Variants in PPP1R9A observed in about 807,000 individuals in gnomAD.
The protein encoded by PPP1R9A is neurabin-1.
Under a neutral mutation model 141.9 loss-of-function variants are expected in PPP1R9A, and 59 were observed. The ratio of observed to expected loss-of-function variants is 0.42; its 90% CI spans 0.34 to 0.52. The LOEUF (loss-of-function observed/expected upper bound fraction) is 0.52, where lower values mean the gene tolerates loss of function less well. PPP1R9A is among the 20% of genes least tolerant of loss of function. The probability of loss-of-function intolerance (pLI) is 0.10; values close to 1 mark genes in which losing one functional copy is unlikely to be tolerated. For synonymous variants in PPP1R9A, 500 were observed against 569.7 expected (o/e 0.88, Z 1.74); for missense variants, 1,444 against 1,611.9 (o/e 0.90, Z 1.78).
intron 2 of PPP1R9A, among the ~76,000 whole-genome samples, chr7:94,926,057 G>T (rs1321154133): frequency 6.6e-6 from 1 of 151,988 alleles, no homozygotes; most frequent in Non-Finnish European, 1.5e-5. Context: ...GGAACTCCTG[G>T]GCTCAAGCGA....
intron 2 of PPP1R9A, among the ~76,000 whole-genome samples, chr7:95,078,925 G>A (rs1327191979): frequency 1.3e-5 from 2 of 151,996 alleles, no homozygotes. Context: ...CTCCCATTTT[G>A]TAGGTTGCCT....
intron 4 of PPP1R9A, among the ~76,000 whole-genome samples, chr7:95,148,100 A>G (rs1032097908): frequency 1.3e-5 from 2 of 152,202 alleles, no homozygotes; most frequent in Non-Finnish European, 2.9e-5. Flanking sequence ...ATATTAGAAA[A>G]GAAGAAAGAT....
intron 2 of PPP1R9A, among the ~76,000 whole-genome samples, chr7:94,994,862 A>T (rs2151461248): frequency 6.6e-6 from 1 of 151,906 alleles, no homozygotes; most frequent in South Asian, 2.1e-4. Flanking sequence ...ACCACACTCT[A>T]GCCTGGTGAC....
chr7:94,912,660 T>G (rs1791598718), intron 2 of PPP1R9A, among the ~76,000 whole-genome samples: 1 of 152,200 alleles, frequency 6.6e-6, no homozygotes, highest in South Asian at 2.1e-4. Flanking sequence ...AATCTGACAT[T>G]GTTCTGATTA....
intron 7 of PPP1R9A, among the ~76,000 whole-genome samples, chr7:95,221,869 A>C (rs182442411): frequency 6.6e-6 from 1 of 152,214 alleles, no homozygotes; most frequent in East Asian, 1.9e-4. Context: ...AATGTCAGTC[A>C]GCAGACCCAT....
intron 12 of PPP1R9A, among the ~76,000 whole-genome samples, chr7:95,252,467 A>ATTTTTTTTTTTTTTTTTTTTTTT (rs71127405): frequency 9.3e-6 from 1 of 107,028 alleles, no homozygotes; most frequent in Non-Finnish European, 1.9e-5. Context: ...TAAGGTTTAG[A>ATTTTTTTTTTTTTTTTTTTTTTT]TTTTTTTTTT....
chr7:95,239,631 TTTATAA>T lies in PPP1R9A; in HGVS notation c.2113-7831_2113-7826del, dbSNP rs1459408097. On this transcript the variant is annotated intron_variant, in intron 8 of 19. Coordinates refer to ENST00000433360, the MANE Select transcript of PPP1R9A (RefSeq NM_001166160.2). ...TACAAGAAAATTTAACCAATTTAAG[TTTATAA>T]TTATAATTATGCAAGATATAGGTGT... 6.6e-5 allele frequency among the ~76,000 whole-genome samples: 10 copies of T among 152,230 alleles called. No individual in the cohort carries two copies. The East Asian group carries it at 1.5e-3, about 24-fold the overall frequency.
intron 2 of PPP1R9A, among the ~76,000 whole-genome samples, chr7:94,962,949 T>G (rs1360565520): frequency 6.6e-6 from 1 of 152,130 alleles, no homozygotes; most frequent in Non-Finnish European, 1.5e-5. Context: ...CTGGATTTGC[T>G]TCCTGTTCAT....
At chr7:95,239,741 AGT>A (rs1286859718) in intron 8 of PPP1R9A, among the ~76,000 whole-genome samples, 1 of 151,820 alleles carries the variant, frequency 6.6e-6, no homozygotes, top group East Asian at 1.9e-4. Flanking sequence ...GTTTTTGAAA[AGT>A]GTTTAAAAAT....
chr7:95,150,302 C>CTT (rs1351573064), intron 4 of PPP1R9A, among the ~76,000 whole-genome samples: 1 of 151,996 alleles, frequency 6.6e-6, no homozygotes, highest in African/African-American at 2.4e-5. Flanking sequence ...ATGGCAATGA[C>CTT]TTTTTATTTT....
intron 2 of PPP1R9A, among the ~76,000 whole-genome samples, chr7:94,938,276 T>C (rs1270275981): frequency 6.6e-6 from 1 of 152,152 alleles, no homozygotes; most frequent in Non-Finnish European, 1.5e-5. Context: ...GACCTGAAAC[T>C]ATCACCTGCC....
chr7:95,126,260 G>T (rs566840600), intron 4 of PPP1R9A, among the ~76,000 whole-genome samples: 20 of 152,142 alleles, frequency 1.3e-4, no homozygotes, highest in South Asian at 4.1e-4. Context: ...GTGAGGTAGG[G>T]TTATTTTTTT....
At chr7:95,054,883 T>A (rs1584463865) in intron 2 of PPP1R9A, among the ~76,000 whole-genome samples, 1 of 151,070 alleles carries the variant, frequency 6.6e-6, no homozygotes, top group East Asian at 2.0e-4. Flanking sequence ...CTACTTCCAG[T>A]GCTTAGCACA....
At chr7:95,108,302 C>CGTTTCTT (rs1204011323) in intron 2 of PPP1R9A, among the ~76,000 whole-genome samples, 69 of 68,744 alleles carry the variant, frequency 1.0e-3, no homozygotes, top group Middle Eastern at 9.1e-3. Context: ...TTTTTCGTTT[C>CGTTTCTT]TTTTCTTTTT....
In PPP1R9A at chr7:95,269,470, T is replaced by A; in HGVS notation, c.3087T>A (p.His1029Gln). The A allele has an allele frequency of 6.3e-7, 1 of 1,585,352 alleles. No homozygotes were observed. Among genetic ancestry groups the A allele is most frequent in the Non-Finnish European group, 8.6e-7 (1 of 1,169,574 alleles). Residue 1029 changes from histidine to glutamine, a missense_variant, in exon 14 of 20, where the codon CAT (histidine) becomes CAA (glutamine). Physicochemically the swap from His to Gln is conservative, Grantham distance 24. This residue lies in a region of PPP1R9A where 459 missense variants were observed against 513.8 expected (regional missense o/e 0.89). Transcript: ENST00000433360. ...SDHDVEESPC[H>Q]HQTTNKKILR... ...ATGATGTGGAAGAATCTCCTTGCCA[T>A]CACCAAACCACCAACAAGAAAATAT...
At chr7:95,099,947 TTAA>T (rs1435611741) in intron 2 of PPP1R9A, among the ~76,000 whole-genome samples, 1 of 152,134 alleles carries the variant, frequency 6.6e-6, no homozygotes, top group Non-Finnish European at 1.5e-5. Context: ...ATGTGTGACC[TTAA>T]TAAAACTCTG....
chr7:95,011,169 C>T (rs1804366069), intron 2 of PPP1R9A, among the ~76,000 whole-genome samples: 1 of 152,118 alleles, frequency 6.6e-6, no homozygotes, highest in Non-Finnish European at 1.5e-5. Flanking sequence ...GAGAATCATG[C>T]AAACATTAAT....
At chr7:94,928,889 G>C (rs989338407) in intron 2 of PPP1R9A, among the ~76,000 whole-genome samples, 1 of 152,150 alleles carries the variant, frequency 6.6e-6, no homozygotes, top group Non-Finnish European at 1.5e-5. Flanking sequence ...TATTTTGTGA[G>C]TGTCTTCAAG....
At position 95,252,146 on chromosome 7, in the gene PPP1R9A, C is replaced by G. The variant is rs770717812; in HGVS notation, c.2665+16C>G. The G allele has an allele frequency of 6.5e-7, 1 of 1,539,740 alleles. No homozygotes were observed. Among genetic ancestry groups the G allele is most frequent in the Non-Finnish European group, 8.7e-7 (1 of 1,150,270 alleles). On this transcript the variant is annotated intron_variant, in intron 12 of 19. Transcript: ENST00000433360. ...CTAAGTCAAGGTTTGTTTAACCCAA[C>G]CACAAAAATCATTTTTGATGACTGT...
Sources: gnomAD v4.1 joint callset for allele counts (sites outside exome capture counted in the v4.1 genomes callset) on GRCh38, gnomAD v4.1.1 for gene constraint, gnomAD v4.1.1 regional missense constraint, MANE v1.5 for transcripts, NCBI Gene and HGNC (gene_info 2026-07-23, HGNC 2026-07-21) for gene names.